The following IPCEF1 variants were observed in gnomAD, a reference collection of about 807,000 sequenced individuals.
IPCEF1 encodes interactor protein for cytohesin exchange factors 1.
In IPCEF1, 31 loss-of-function variants were observed where a neutral mutation model predicts 50.9. That is an observed-to-expected ratio of 0.61 (90% CI 0.46 to 0.82). The LOEUF (loss-of-function observed/expected upper bound fraction) is 0.82, where lower values mean the gene tolerates loss of function less well. IPCEF1 is among the 40% of genes least tolerant of loss of function. The pLI is 0.00. For missense variants in IPCEF1, 458 were observed against 514.0 expected (o/e 0.89, Z 1.05); for synonymous variants, 181 against 192.0 (o/e 0.94, Z 0.47).
intron 1 of IPCEF1, among the ~76,000 whole-genome samples, chr6:154,348,618 C>A (rs1196968501): frequency 1.3e-5 from 2 of 152,196 alleles, no homozygotes; most frequent in Non-Finnish European, 2.9e-5. Context: ...CTAGTAAGAA[C>A]AACTGCTTGA....
At chr6:154,214,878 C>T (rs1371814621) in intron 7 of IPCEF1, among the ~76,000 whole-genome samples, 1 of 152,140 alleles carries the variant, frequency 6.6e-6, no homozygotes, top group Non-Finnish European at 1.5e-5. Flanking sequence ...AATTAAACAT[C>T]AATAACAAAA....
intron 5 of IPCEF1, among the ~76,000 whole-genome samples, chr6:154,243,094 G>A (rs1251470478): frequency 1.3e-5 from 2 of 152,178 alleles, no homozygotes; most frequent in South Asian, 2.1e-4. Context: ...CAGCATATGC[G>A]AAGGCTTAGA....
At chr6:154,273,015 AT>A (rs1781936493) in intron 2 of IPCEF1, among the ~76,000 whole-genome samples, 1 of 152,254 alleles carries the variant, frequency 6.6e-6, no homozygotes, top group South Asian at 2.1e-4. Flanking sequence ...TGTTTTACAC[AT>A]TTTTAAAACA....
At chr6:154,179,436 G>A (rs72572395) in intron 10 of IPCEF1, among the ~76,000 whole-genome samples, 7,468 of 152,222 alleles carry the variant, frequency 0.049, 299 homozygotes, top group South Asian at 0.19. Flanking sequence ...GAGGAAAAAA[G>A]ATTGGCAGAG....
intron 1 of IPCEF1, among the ~76,000 whole-genome samples, chr6:154,297,329 CG>C (rs1209125338): frequency 6.6e-6 from 1 of 152,122 alleles, no homozygotes; most frequent in Non-Finnish European, 1.5e-5. Context: ...TGTGAGCCAC[CG>C]CGCCCAGCCC....
intron 1 of IPCEF1, among the ~76,000 whole-genome samples, chr6:154,300,726 T>C (rs1583964619): frequency 6.6e-6 from 1 of 152,312 alleles, no homozygotes; most frequent in South Asian, 2.1e-4. Context: ...AAACACCAGA[T>C]TCCCCATGGG....
intron 2 of IPCEF1, among the ~76,000 whole-genome samples, chr6:154,276,273 AAAAAGAAAAGAAAAAAAAAG>A (rs1371610760): frequency 8.4e-4 from 9 of 10,726 alleles, no homozygotes; most frequent in Non-Finnish European, 1.6e-3. Context: ...AAGAAAGAGA[AAAAAGAAAAGAAAAAAAAAG>A]AAAAGAAAAG....
chr6:154,308,027 C>T (rs1162792839), intron 1 of IPCEF1, among the ~76,000 whole-genome samples: 8 of 152,188 alleles, frequency 5.3e-5, no homozygotes, highest in Non-Finnish European at 1.2e-4. Flanking sequence ...AAAAACAGTT[C>T]TCCAGCAGTC....
chr6:154,186,613 G>A (rs1801380198), intron 10 of IPCEF1, among the ~76,000 whole-genome samples: 1 of 151,850 alleles, frequency 6.6e-6, no homozygotes, highest in South Asian at 2.1e-4. Context: ...CTGGAGTGCA[G>A]TGGTGCGATC....
At chr6:154,354,415 A>ACCTCCACCATCTCCTCCACCATCT (rs1784170086) in intron 1 of IPCEF1, among the ~76,000 whole-genome samples, 1 of 46,702 alleles carries the variant, frequency 2.1e-5, no homozygotes, top group Non-Finnish European at 4.0e-5. Context: ...CTCCACCACC[A>ACCTCCACCATCTCCTCCACCATCT]CCTCCACCAC....
At chr6:154,291,715 C>T (rs1382852059) in intron 1 of IPCEF1, among the ~76,000 whole-genome samples, 3 of 123,740 alleles carry the variant, frequency 2.4e-5, no homozygotes, top group Admixed American at 1.9e-4. Flanking sequence ...GATGGAGTCT[C>T]GCACTCTCGT....
Position 154,222,984 on chromosome 6 carries a change from G to A in IPCEF1, c.320+186C>T, listed in dbSNP as rs115937919. 1,099 of 605,598 alleles carry A rather than the reference G, an allele frequency of 1.8e-3. 10 individuals are homozygous for A. The highest frequency in any genetic ancestry group is 0.018 in the African/African-American group (960 of 54,062). The allele number at this position is 605,598 out of a possible 1,614,324, so 37.5% of individuals were successfully genotyped here. A position where few individuals can be genotyped will look rare whatever the true frequency, so the allele number is the denominator to read the frequency against. Reference sequence around the variant, plus strand: ...TTAAAATCCATCTGCTCCACAAAACGAAATTCCAGAAAATGAGAGGTTAAA... The same window carrying A: ...TTAAAATCCATCTGCTCCACAAAACAAAATTCCAGAAAATGAGAGGTTAAA... On this transcript the variant is annotated intron_variant, in intron 6 of 11. Transcript: ENST00000367220.
chr6:154,318,004 C>A (rs1368665400), intron 1 of IPCEF1, among the ~76,000 whole-genome samples: 2 of 152,056 alleles, frequency 1.3e-5, no homozygotes, highest in African/African-American at 4.8e-5. Flanking sequence ...TAGTAATAAA[C>A]AGAAACAAAA....
chr6:154,302,593 GC>G (rs963137416), intron 1 of IPCEF1, among the ~76,000 whole-genome samples: 4 of 152,048 alleles, frequency 2.6e-5, no homozygotes, highest in African/African-American at 7.2e-5. Context: ...TCTCACCTCA[GC>G]CCCCCGAGTA....
intron 1 of IPCEF1, among the ~76,000 whole-genome samples, chr6:154,354,692 T>C (rs1387149438): frequency 1.3e-5 from 2 of 152,088 alleles, no homozygotes; most frequent in African/African-American, 2.4e-5. Context: ...CCCTTTCACT[T>C]TACTGACCTG....
chr6:154,170,695 C>A (rs1170572607), intron 10 of IPCEF1, among the ~76,000 whole-genome samples: 1 of 152,176 alleles, frequency 6.6e-6, no homozygotes, highest in East Asian at 1.9e-4. Context: ...TGAAAAGATG[C>A]TCAGTATCAT....
At chr6:154,271,760 G>C (rs1255962206) in intron 2 of IPCEF1, among the ~76,000 whole-genome samples, 1 of 152,144 alleles carries the variant, frequency 6.6e-6, no homozygotes, top group Non-Finnish European at 1.5e-5. Context: ...AAGATGGAAG[G>C]ATCACTTGAG....
intron 5 of IPCEF1, among the ~76,000 whole-genome samples, chr6:154,239,238 A>T (rs1212084983): frequency 6.6e-6 from 1 of 152,246 alleles, no homozygotes; most frequent in Non-Finnish European, 1.5e-5. Flanking sequence ...CATTACAACA[A>T]GAAGTTATTG....
chr6:154,340,799 C>T (rs1041404482), intron 1 of IPCEF1, among the ~76,000 whole-genome samples: 5 of 151,114 alleles, frequency 3.3e-5, no homozygotes, highest in African/African-American at 4.9e-5. Context: ...GCAGGAGAAT[C>T]GCTTGAACCC....
Sources: allele counts gnomAD v4.1 joint callset (sites outside exome capture counted in the v4.1 genomes callset), GRCh38; gene constraint gnomAD v4.1.1; transcripts MANE v1.5; gene names NCBI Gene and HGNC (gene_info 2026-07-23, HGNC 2026-07-21).